The following MARCHF6 variants were observed in gnomAD, a reference collection of about 807,000 sequenced individuals.
The protein encoded by MARCHF6 is membrane associated ring-CH-type finger 6, also known as E3 ubiquitin-protein ligase MARCHF6.
MARCHF6 carries 31 observed loss-of-function variants against 133.7 expected under a neutral mutation model. The observed-to-expected ratio is 0.23, with a 90% CI of 0.17 to 0.31. The LOEUF (loss-of-function observed/expected upper bound fraction) is 0.31, where lower values mean the gene tolerates loss of function less well. MARCHF6 is among the 10% of genes least tolerant of loss of function. The probability of loss-of-function intolerance (pLI) is 1.00; values close to 1 mark genes in which losing one functional copy is unlikely to be tolerated. For synonymous variants in MARCHF6, 395 were observed against 402.5 expected (o/e 0.98, Z 0.22); for missense variants, 723 against 1,121.6 (o/e 0.64, Z 5.08).
rs148494410 is a variant in MARCHF6, at chr5:10,436,924, T to C, written c.*3240T>C. The C allele has an allele frequency of 6.6e-6, 1 of 152,372 alleles. No homozygotes were observed. Among genetic ancestry groups the C allele is most frequent in the Non-Finnish European group, 1.5e-5 (1 of 68,028 alleles). 9.4% of individuals were successfully genotyped at this position (152,372 alleles called of 1,614,324 possible). On this transcript the variant is annotated 3_prime_UTR_variant, in exon 26 of 26. Transcript: ENST00000274140. ...CTGCTATTATTGTGGATTCTTGTCT[T>C]GTGTATTTTCTTTCCCTTATTCAAG...
intron 7 of MARCHF6, among the ~76,000 whole-genome samples, chr5:10,393,098 C>T (rs1275848267): frequency 6.6e-6 from 1 of 152,102 alleles, no homozygotes; most frequent in Non-Finnish European, 1.5e-5. Flanking sequence ...GCCTTTGAGC[C>T]AAGGTCACCT....
intron 25 of MARCHF6, among the ~76,000 whole-genome samples, 174 bp from the exon 26 acceptor site, chr5:10,433,420 T>C (rs1167483044): frequency 1.3e-5 from 2 of 152,244 alleles, no homozygotes; most frequent in African/African-American, 2.4e-5. Context: ...TGCAGCTTCC[T>C]ACAAACCCAT....
intron 15 of MARCHF6, among the ~76,000 whole-genome samples, 193 bp from the exon 16 acceptor site, chr5:10,405,365 T>C (rs959320689): frequency 6.6e-6 from 1 of 152,104 alleles, no homozygotes; most frequent in Non-Finnish European, 1.5e-5. Flanking sequence ...AAGGACATCA[T>C]CAGACACAGG....
At chr5:10,369,899 T>C (rs1234456574) in intron 1 of MARCHF6, among the ~76,000 whole-genome samples, 1 of 152,108 alleles carries the variant, frequency 6.6e-6, no homozygotes, top group Non-Finnish European at 1.5e-5. Flanking sequence ...GTGGAATTCT[T>C]GAGTTGATTG....
Position 10,435,687 on chromosome 5 carries a change from ATATATATATAT to A in MARCHF6, c.*2005_*2015del, listed in dbSNP as rs1740617544. The A allele has an allele frequency of 1.7e-4, 1 of 5,846 alleles. No homozygotes were observed. Among genetic ancestry groups the A allele is most frequent in the African/African-American group, 1.1e-3 (1 of 890 alleles). The allele number at this position is 5,846 out of a possible 1,614,324, so 0.4% of individuals were successfully genotyped here. ...TATATATATATATATATATATATATATATATATATATTTTTTTTTTTTTTTTTTTTTTTTTT... is the reference window on the plus strand; with the variant it reads ...TATATATATATATATATATATATATATTTTTTTTTTTTTTTTTTTTTTTTT... On this transcript the variant is annotated 3_prime_UTR_variant, in exon 26 of 26. Transcript: ENST00000274140.
rs948516237 is a variant in MARCHF6, at chr5:10,414,311, A to G, written c.1897-122A>G. ...AAATAAAAATTTTATGTGAAATTGC[A>G]GGAAACCTGGCAACGCAAATATAGA... is the stretch of plus-strand genomic sequence containing the variant. On this transcript the variant is annotated intron_variant, in intron 19 of 25. Transcript: ENST00000274140. The G allele has an allele frequency of 2.1e-5, 12 of 583,756 alleles. No homozygotes were observed. In the East Asian group the frequency reaches 2.3e-4, roughly 11 times the overall value. The allele number at this position is 583,756 out of a possible 1,614,324, so 36.2% of individuals were successfully genotyped here.
intron 19 of MARCHF6, 149 bp downstream of exon 19, chr5:10,411,686 T>G: frequency 1.8e-6 from 1 of 561,048 alleles, no homozygotes; most frequent in South Asian, 4.0e-5. Flanking sequence ...ACGTAAATGA[T>G]TAGGTAAGTT....
chr5:10,397,543 T>C (rs1738267374), intron 10 of MARCHF6, among the ~76,000 whole-genome samples, 199 bp downstream of exon 10: 1 of 152,108 alleles, frequency 6.6e-6, no homozygotes, highest in Non-Finnish European at 1.5e-5. Flanking sequence ...TGACTGCAGT[T>C]ACCTACCTAT....
chr5:10,382,237 T>C (rs981801925), intron 4 of MARCHF6, among the ~76,000 whole-genome samples: 1 of 152,096 alleles, frequency 6.6e-6, no homozygotes, highest in East Asian at 1.9e-4. Flanking sequence ...TGAAGTATGC[T>C]AGAGCTTTCA....
At chr5:10,409,076 C>T (rs998283750) in intron 17 of MARCHF6, among the ~76,000 whole-genome samples, 10 of 152,046 alleles carry the variant, frequency 6.6e-5, no homozygotes, top group Non-Finnish European at 1.5e-4. Flanking sequence ...CCACTTTGGT[C>T]GCCCAAAGTG....
At position 10,382,087 on chromosome 5, in the gene MARCHF6, G is replaced by A. The variant is rs1257611850; in HGVS notation, c.334+144G>A. 66 of 909,364 alleles carry A rather than the reference G, an allele frequency of 7.3e-5. 1 individual carries two copies. The South Asian group carries it at 9.0e-4, about 12-fold the overall frequency. The allele number at this position is 909,364 out of a possible 1,614,324, so 56.3% of individuals were successfully genotyped here. A position where few individuals can be genotyped will look rare whatever the true frequency, so the allele number is the denominator to read the frequency against. On this transcript the variant is annotated intron_variant, in intron 4 of 25. Coordinates refer to ENST00000274140, the MANE Select transcript of MARCHF6 (RefSeq NM_005885.4). ...TCATGTATTAGGAAAGCCTTACTTA[G>A]AAGATGTTCATCGGAACTAAGAATG...
chr5:10,403,512 T>G lies in MARCHF6; in HGVS notation c.1303T>G (p.Phe435Val). ...WLVGMVYVFYFASFILLLREV... is the reference protein window; with the variant it reads ...WLVGMVYVFYVASFILLLREV... ...AGTGGGAATGGTATATGTCTTCTACTTTGCCTCCTTCATTCTACTACTGAG... is the reference window on the plus strand; with the variant it reads ...AGTGGGAATGGTATATGTCTTCTACGTTGCCTCCTTCATTCTACTACTGAG... The change falls in exon 15 of 26, where the codon TTT becomes GTT. Residue 435 changes from phenylalanine to valine, a missense_variant. Physicochemically the swap from Phe to Val is conservative, Grantham distance 50. Coordinates refer to ENST00000274140, the MANE Select transcript of MARCHF6 (RefSeq NM_005885.4). 6.2e-7 allele frequency: 1 copy of G among 1,613,312 alleles called. No individual in the cohort carries two copies. The highest frequency in any genetic ancestry group is 8.5e-7 in the Non-Finnish European group (1 of 1,179,672).
chr5:10,420,662 T>G lies in MARCHF6; in HGVS notation c.2284-3073T>G, dbSNP rs1448842528. Among the ~76,000 whole-genome samples the G allele has an allele frequency of 3.3e-5, 5 of 152,220 alleles. No homozygotes were observed. The East Asian group carries it at 9.6e-4, about 29-fold the overall frequency. On this transcript the variant is annotated intron_variant, in intron 22 of 25. Coordinates refer to ENST00000274140, the MANE Select transcript of MARCHF6 (RefSeq NM_005885.4). The stretch of plus-strand genomic sequence containing the variant: ...TTGACAGAACATCAACATCATACAC[T>G]GTCACTCTGTGATCAAGATAGAGGA...
chr5:10,391,790 T>C, intron 7 of MARCHF6, 59 bp downstream of exon 7: 2 of 1,389,770 alleles, frequency 1.4e-6, no homozygotes, highest in African/African-American at 1.5e-5. Flanking sequence ...TCAACTTGCA[T>C]TGAGGAAAAG....
intron 24 of MARCHF6, among the ~76,000 whole-genome samples, 172 bp downstream of exon 24, chr5:10,426,694 A>G (rs1272516219): frequency 6.6e-6 from 1 of 152,248 alleles, no homozygotes; most frequent in Non-Finnish European, 1.5e-5. Flanking sequence ...TATTCTGGGT[A>G]AGATTAGAGG....
In MARCHF6 at chr5:10,433,757, T is replaced by C. The variant is rs1025854833; in HGVS notation, c.*73T>C. ...GTGGACTTCTCTCTTTGGAGATTTTTCCCAGTGATCTCTCAGCGTTGTTTT... is the reference window on the plus strand; with the variant it reads ...GTGGACTTCTCTCTTTGGAGATTTTCCCCAGTGATCTCTCAGCGTTGTTTT... On this transcript the variant is annotated 3_prime_UTR_variant, in exon 26 of 26. Transcript: ENST00000274140. The C allele has an allele frequency of 9.2e-5, 111 of 1,210,052 alleles. No individual in the cohort carries two copies. The highest frequency in any genetic ancestry group is 1.1e-4 in the Non-Finnish European group (90 of 814,876). The allele number at this position is 1,210,052 out of a possible 1,614,324, so 75.0% of individuals were successfully genotyped here.
At position 10,371,759 on chromosome 5, in the gene MARCHF6, A is replaced by G. The variant is rs147312338; in HGVS notation, c.20-6039A>G. 7.2e-5 allele frequency among the ~76,000 whole-genome samples: 11 copies of G among 152,328 alleles called. No individual in the cohort carries two copies. In the East Asian group the frequency reaches 2.1e-3, roughly 29 times the overall value. On this transcript the variant is annotated intron_variant, in intron 1 of 25. Coordinates refer to ENST00000274140, the MANE Select transcript of MARCHF6 (RefSeq NM_005885.4). The stretch of plus-strand genomic sequence containing the variant: ...TAACAATTGAATGTTGTGCTTTTTT[A>G]TACTTTTTTTTCTTTGAGGCAGTGG...
chr5:10,354,133 C>A (rs959006572), intron 1 of MARCHF6: 2 of 349,838 alleles, frequency 5.7e-6, no homozygotes, highest in Non-Finnish European at 1.0e-5. Flanking sequence ...GGGCGGGGAC[C>A]CTGCCGGGCA....
chr5:10,366,421 T>G (rs1157885627), intron 1 of MARCHF6, among the ~76,000 whole-genome samples: 2 of 152,242 alleles, frequency 1.3e-5, no homozygotes, highest in Admixed American at 1.3e-4. Context: ...TATTAAACAT[T>G]CCTTGTTTAC....
Sources: allele counts gnomAD v4.1 joint callset (sites outside exome capture counted in the v4.1 genomes callset), GRCh38; gene constraint gnomAD v4.1.1; transcripts MANE v1.5; gene names NCBI Gene and HGNC (gene_info 2026-07-23, HGNC 2026-07-21).